The following PLXNA4 variants were observed in gnomAD, a reference collection of about 807,000 sequenced individuals.
PLXNA4 encodes the protein plexin-A4.
In PLXNA4, 44 loss-of-function variants were observed where a neutral mutation model predicts 191.8. The observed-to-expected ratio is 0.23, with a 90% CI of 0.18 to 0.29. The LOEUF (loss-of-function observed/expected upper bound fraction) is 0.29, where lower values mean the gene tolerates loss of function less well. Among genes scored for constraint, PLXNA4 ranks in the 10% least tolerant of loss-of-function variants. The pLI is 1.00. For synonymous variants in PLXNA4, 1,082 were observed against 1,009.5 expected (o/e 1.07, Z -1.36); for missense variants, 1,800 against 2,488.8 (o/e 0.72, Z 5.89).
At chr7:132,564,219 TCTC>T (rs1274439319) in intron 1 of PLXNA4, among the ~76,000 whole-genome samples, 10 of 73,870 alleles carry the variant, frequency 1.4e-4, no homozygotes, top group South Asian at 1.2e-3. Flanking sequence ...CCTTCTCCTT[TCTC>T]CTCCTCCTCC....
intron 25 of PLXNA4, among the ~76,000 whole-genome samples, chr7:132,154,020 C>A (rs1239540997): frequency 6.6e-6 from 1 of 152,182 alleles, no homozygotes; most frequent in Non-Finnish European, 1.5e-5. Context: ...CCAGCAAAAT[C>A]GACCTGCACA....
intron 5 of PLXNA4, among the ~76,000 whole-genome samples, chr7:132,229,903 T>G (rs556106463): frequency 1.3e-5 from 2 of 152,082 alleles, no homozygotes; most frequent in African/African-American, 2.4e-5. Flanking sequence ...CTCCTAACCT[T>G]TGGCCACAGC....
intron 3 of PLXNA4, among the ~76,000 whole-genome samples, chr7:132,340,502 T>C (rs1027793215): frequency 6.6e-6 from 1 of 152,120 alleles, no homozygotes; most frequent in African/African-American, 2.4e-5. Context: ...CCTGTCCCTG[T>C]CCCCACTGAA....
intron 4 of PLXNA4, among the ~76,000 whole-genome samples, chr7:132,278,637 A>C (rs949081493): frequency 6.6e-6 from 1 of 152,186 alleles, no homozygotes; most frequent in Non-Finnish European, 1.5e-5. Context: ...GAGACTTGCC[A>C]GCGGCTGCAT....
chr7:132,186,833 C>A (rs79019819), intron 15 of PLXNA4, among the ~76,000 whole-genome samples: 1 of 152,176 alleles, frequency 6.6e-6, no homozygotes, highest in African/African-American at 2.4e-5. Context: ...CAAACCCCCT[C>A]TTTGCCTGGG....
At chr7:132,366,936 G>T (rs923765784) in intron 3 of PLXNA4, among the ~76,000 whole-genome samples, 12 of 151,642 alleles carry the variant, frequency 7.9e-5, no homozygotes, top group African/African-American at 2.2e-4. Flanking sequence ...TAATTTTTTT[G>T]TTGTTGTTAT....
intron 1 of PLXNA4, among the ~76,000 whole-genome samples, chr7:132,516,777 G>A (rs1042665869): frequency 1.3e-5 from 2 of 152,116 alleles, no homozygotes; most frequent in Non-Finnish European, 2.9e-5. Flanking sequence ...AGCCAATATA[G>A]TGAAACCCTG....
chr7:132,597,859 C>A (rs62465208), intron 2 of PLXNA4, among the ~76,000 whole-genome samples: 13,732 of 145,244 alleles, frequency 0.095, 737 homozygotes, highest in Middle Eastern at 0.15. Flanking sequence ...CTCTCTCTCT[C>A]TATATATATA....
chr7:132,455,267 G>C (rs1196335153), intron 3 of PLXNA4, among the ~76,000 whole-genome samples: 1 of 152,172 alleles, frequency 6.6e-6, no homozygotes, highest in Non-Finnish European at 1.5e-5. Context: ...ATGGAGCTGA[G>C]ACAAAACACG....
chr7:132,176,681 T>C (rs879275240), intron 20 of PLXNA4, among the ~76,000 whole-genome samples: 1 of 152,032 alleles, frequency 6.6e-6, no homozygotes, highest in Admixed American at 6.6e-5. Flanking sequence ...TGTGTATGCA[T>C]GTGTGAATGT....
intron 1 of PLXNA4, among the ~76,000 whole-genome samples, chr7:132,524,229 T>C (rs1799309856): frequency 6.6e-6 from 1 of 152,186 alleles, no homozygotes; most frequent in South Asian, 2.1e-4. Context: ...GAACGGGATG[T>C]CAATGAAAGA....
intron 3 of PLXNA4, among the ~76,000 whole-genome samples, chr7:132,389,381 T>C (rs1396832205): frequency 3.3e-5 from 5 of 152,256 alleles, no homozygotes; most frequent in Admixed American, 1.3e-4. Context: ...GGTTTTCTTC[T>C]AGGGTTTTCA....
At chr7:132,588,634 A>AG (rs1554474880) in intron 2 of PLXNA4, among the ~76,000 whole-genome samples, 3 of 59,988 alleles carry the variant, frequency 5.0e-5, no homozygotes, top group Non-Finnish European at 9.5e-5. Flanking sequence ...TGAGGAAGGA[A>AG]GGAAGGGAAG....
chr7:132,555,171 C>G lies in PLXNA4; in HGVS notation c.-87+21251G>C, dbSNP rs145248700. 3.3e-5 allele frequency among the ~76,000 whole-genome samples: 5 copies of G among 152,124 alleles called. No homozygotes were observed. In the East Asian group the frequency reaches 9.6e-4, roughly 29 times the overall value. ...TTTACATGTGGATGGCTGATCTGAG[C>G]ACAGATTGAATATATAAACGTGGCT... On this transcript the variant is annotated intron_variant, in intron 1 of 31. Transcript: ENST00000321063.
intron 3 of PLXNA4, among the ~76,000 whole-genome samples, chr7:132,446,511 G>A (rs1795917297): frequency 6.6e-6 from 1 of 152,202 alleles, no homozygotes; most frequent in South Asian, 2.1e-4. Context: ...TGGCCCAGCT[G>A]CCCAGACAAT....
At chr7:132,625,279 T>C (rs1803349074) in intron 2 of PLXNA4, among the ~76,000 whole-genome samples, 1 of 152,088 alleles carries the variant, frequency 6.6e-6, no homozygotes, top group Non-Finnish European at 1.5e-5. Flanking sequence ...CCCAGCACAG[T>C]GCTGGATCCT....
chr7:132,577,118 G>A (rs1248959033), upstream of PLXNA4: 1 of 146,552 alleles, frequency 6.8e-6, no homozygotes, highest in Non-Finnish European at 1.5e-5. Flanking sequence ...TGCGGCGGTG[G>A]TGGCTGCGGC....
intron 2 of PLXNA4, among the ~76,000 whole-genome samples, chr7:132,506,226 A>G (rs1388524894): frequency 6.6e-6 from 1 of 152,086 alleles, no homozygotes; most frequent in Non-Finnish European, 1.5e-5. Context: ...CAAAGACCAG[A>G]GTGATGGCCT....
intron 4 of PLXNA4, among the ~76,000 whole-genome samples, chr7:132,276,385 T>C (rs982055360): frequency 3.3e-5 from 5 of 152,302 alleles, no homozygotes; most frequent in Middle Eastern, 3.4e-3. Flanking sequence ...ATATCATTAG[T>C]GGAATCACAA....
Sources: allele counts gnomAD v4.1 joint callset (sites outside exome capture counted in the v4.1 genomes callset), GRCh38; gene constraint gnomAD v4.1.1; transcripts MANE v1.5; gene names NCBI Gene and HGNC (gene_info 2026-07-23, HGNC 2026-07-21).